Variants in SMC5 observed in about 807,000 individuals in gnomAD.
The protein encoded by SMC5 is structural maintenance of chromosomes protein 5.
Under a neutral mutation model 148.3 loss-of-function variants are expected in SMC5, and 88 were observed. The ratio of observed to expected loss-of-function variants is 0.59; its 90% CI spans 0.50 to 0.71. The LOEUF (loss-of-function observed/expected upper bound fraction) is 0.71, where lower values mean the gene tolerates loss of function less well. Ranked by LOEUF, SMC5 falls within the 30% of genes least tolerant of loss-of-function variation. The pLI is 0.00. For missense variants in SMC5, 1,142 were observed against 1,298.9 expected, an observed-to-expected ratio of 0.88 and a Z score of 1.86; for synonymous variants, 421 against 432.8, an observed-to-expected ratio of 0.97 and a Z score of 0.34.
At chr9:70,261,395 G>A (rs1405738626) in intron 1 of SMC5, among the ~76,000 whole-genome samples, 1 of 152,186 alleles carries the variant, frequency 6.6e-6, no homozygotes, top group Non-Finnish European at 1.5e-5. Flanking sequence ...AGATTTGACA[G>A]GATCCAGCTA....
Position 70,286,198 on chromosome 9 carries a change from A to G in SMC5, c.982-2A>G. On this transcript the variant is annotated splice_acceptor_variant, in intron 7 of 24. Coordinates refer to ENST00000361138, the MANE Select transcript of SMC5 (RefSeq NM_015110.4). LOFTEE classifies it high-confidence loss of function. ...CCCCCTCTCCCCGGTTTAATTTTAC[A>G]GGCAACAGATATTAAGGAGGCATCT... 2 of 1,473,440 alleles carry G rather than the reference A, an allele frequency of 1.4e-6. No individual in the cohort carries two copies. The highest frequency in any genetic ancestry group is 9.2e-7 in the Non-Finnish European group (1 of 1,086,942). The allele number at this position is 1,473,440 out of a possible 1,614,324, so 91.3% of individuals were successfully genotyped here. A position where few individuals can be genotyped will look rare whatever the true frequency, so the allele number is the denominator to read the frequency against.
In SMC5 at chr9:70,315,555, A is replaced by G; in HGVS notation, c.1783A>G (p.Lys595Glu). Residue 595 changes from lysine to glutamate, a missense_variant, in exon 13 of 25, where the codon AAG becomes GAG. Physicochemically the swap from Lys to Glu is moderately conservative, Grantham distance 56. Coordinates refer to ENST00000361138, the MANE Select transcript of SMC5 (RefSeq NM_015110.4). ...HIHEVPVGTE[K>E]TRERIERVIQ... ...TCATGAAGTTCCTGTAGGAACTGAAAAGACCAGAGAAAGAATTGAACGGGT... is the reference window on the plus strand; with the variant it reads ...TCATGAAGTTCCTGTAGGAACTGAAGAGACCAGAGAAAGAATTGAACGGGT... 1.9e-6 allele frequency: 3 copies of G among 1,589,426 alleles called. No individual in the cohort carries two copies. Among genetic ancestry groups the G allele is most frequent in the Non-Finnish European group, 2.6e-6 (3 of 1,166,438 alleles).
chr9:70,304,339 C>CCAAA (rs1352731321), intron 10 of SMC5, among the ~76,000 whole-genome samples: 2 of 152,046 alleles, frequency 1.3e-5, no homozygotes, highest in Admixed American at 6.6e-5. Context: ...TCTTGGCCTC[C>CCAAA]CAAAGTGTTG....
intron 18 of SMC5, among the ~76,000 whole-genome samples, chr9:70,345,887 G>T (rs1018664831): frequency 1.3e-5 from 2 of 152,154 alleles, no homozygotes; most frequent in African/African-American, 4.8e-5. Context: ...AGAGATACAT[G>T]ATGGCATGAA....
chr9:70,271,689 C>A (rs1412165921), intron 3 of SMC5, among the ~76,000 whole-genome samples: 7 of 152,080 alleles, frequency 4.6e-5, no homozygotes, highest in Non-Finnish European at 7.4e-5. Flanking sequence ...TGGAGTTTTA[C>A]AGTTTTAAAT....
At position 70,347,915 on chromosome 9, in the gene SMC5, G is replaced by C. The variant is rs1250684037; in HGVS notation, c.2770-4G>C. The C allele has an allele frequency of 6.4e-7, 1 of 1,571,526 alleles. No individual in the cohort carries two copies. The highest frequency in any genetic ancestry group is 1.4e-5 in the African/African-American group (1 of 72,704). On this transcript the variant is annotated splice_polypyrimidine_tract_variant and splice_region_variant and intron_variant, in intron 21 of 24. Coordinates refer to ENST00000361138, the MANE Select transcript of SMC5 (RefSeq NM_015110.4). Reference sequence around the variant, plus strand: ...TTGTGTTTTTATATTGCCTTTATTTGTAGGTAAAAGAAAGGTGGCTTAATC... The same window carrying C: ...TTGTGTTTTTATATTGCCTTTATTTCTAGGTAAAAGAAAGGTGGCTTAATC...
Position 70,350,409 on chromosome 9 carries a change from G to C in SMC5, c.3103G>C (p.Glu1035Gln). Reference protein sequence around the residue: ...MDPINERRVFEMVVNTACKEN... With the variant: ...MDPINERRVFQMVVNTACKEN... The stretch of plus-strand genomic sequence containing the variant: ...CCCAATCAATGAACGGAGAGTGTTT[G>C]AAATGGTTGTAAATACTGCCTGTAA... Residue 1035 changes from glutamate (E) to glutamine (Q), a missense_variant, in exon 24 of 25, where the codon GAA (glutamate) becomes CAA (glutamine). By Grantham distance (29) the Glu-to-Gln change is conservative (BLOSUM62 2). This residue lies in a region of SMC5 where 30 missense variants were observed against 65.3 expected (regional missense o/e 0.46). Transcript: ENST00000361138. 1 of 1,607,732 alleles carries C rather than the reference G, an allele frequency of 6.2e-7. No homozygotes were observed.
At chr9:70,338,011 G>T (rs1587710414) in intron 17 of SMC5, among the ~76,000 whole-genome samples, 1 of 152,132 alleles carries the variant, frequency 6.6e-6, no homozygotes. Flanking sequence ...CAACACATTT[G>T]CTGTTTTGTT....
intron 18 of SMC5, among the ~76,000 whole-genome samples, chr9:70,346,176 G>A (rs1180123279): frequency 6.6e-6 from 1 of 152,122 alleles, no homozygotes; most frequent in Non-Finnish European, 1.5e-5. Context: ...TGAGGATATC[G>A]AGTAAATAAA....
At chr9:70,346,711 G>GCCATT in intron 19 of SMC5, 62 bp downstream of exon 19, 1 of 1,572,456 alleles carries the variant, frequency 6.4e-7, no homozygotes, top group Admixed American at 1.7e-5. Flanking sequence ...CTCCTCCCTA[G>GCCATT]CCATTTGCTT....
At chr9:70,306,278 T>C (rs1043843947) in intron 11 of SMC5, among the ~76,000 whole-genome samples, 2 of 152,174 alleles carry the variant, frequency 1.3e-5, no homozygotes, top group African/African-American at 2.4e-5. Context: ...TTGGTCTAAG[T>C]GAGGAGAGAT....
chr9:70,331,116 T>A (rs963140492), intron 17 of SMC5, among the ~76,000 whole-genome samples: 3 of 152,204 alleles, frequency 2.0e-5, no homozygotes, highest in Non-Finnish European at 4.4e-5. Flanking sequence ...TAGGTTCACA[T>A]ACCCAAGCTG....
chr9:70,286,827 C>T (rs2034916961), intron 8 of SMC5: 1 of 151,750 alleles, frequency 6.6e-6, no homozygotes, highest in Admixed American at 6.6e-5. Context: ...AATAATCCTC[C>T]CACCTCAGCC....
chr9:70,299,880 AT>A (rs2035312044), intron 9 of SMC5, among the ~76,000 whole-genome samples, 165 bp from the exon 10 acceptor site: 1 of 151,748 alleles, frequency 6.6e-6, no homozygotes, highest in Non-Finnish European at 1.5e-5. Flanking sequence ...GTTTTTGGAC[AT>A]TTTAGAAAGA....
In SMC5 at chr9:70,305,341, T is replaced by A. The variant is rs766863833; in HGVS notation, c.1559T>A (p.Met520Lys). ...TTTGTATTTGAAAGTCAAGAAGATA[T>A]GGAGGTTTTCCTCAAAGAGGCAAGT... ...RAFVFESQEDMEVFLKEVRDN... is the reference protein window; with the variant it reads ...RAFVFESQEDKEVFLKEVRDN... The change falls in exon 11 of 25, where the codon ATG becomes AAG. Residue 520 changes from methionine to lysine, a missense_variant. Met to Lys is a moderately conservative substitution (Grantham distance 95). Around this residue, in one of 5 missense-constraint regions of SMC5, gnomAD observed 743 missense variants for 835.7 expected, o/e 0.89. Transcript: ENST00000361138. 2 of 1,597,216 alleles carry A rather than the reference T, an allele frequency of 1.3e-6. No homozygotes were observed. The highest frequency in any genetic ancestry group is 2.2e-5 in the South Asian group (2 of 89,786).
chr9:70,351,354 A>C (rs2036798804), intron 24 of SMC5, among the ~76,000 whole-genome samples: 1 of 136,404 alleles, frequency 7.3e-6, no homozygotes, highest in Admixed American at 7.4e-5. Context: ...ACCTTGTTCC[A>C]AAAAAAAAAA....
At chr9:70,279,838 A>G (rs77463892) in intron 5 of SMC5, among the ~76,000 whole-genome samples, 9 of 150,538 alleles carry the variant, frequency 6.0e-5, no homozygotes, top group Admixed American at 2.0e-4. Context: ...AAAAAAAAAA[A>G]GGAAATCTGT....
At chr9:70,298,688 A>T (rs1195512570) in intron 9 of SMC5, among the ~76,000 whole-genome samples, 4 of 151,810 alleles carry the variant, frequency 2.6e-5, no homozygotes, top group East Asian at 3.9e-4. Flanking sequence ...AGATCAGTTT[A>T]AAAAAATTTT....
At chr9:70,316,316 T>G (rs2035799507) in intron 13 of SMC5, among the ~76,000 whole-genome samples, 1 of 152,030 alleles carries the variant, frequency 6.6e-6, no homozygotes, top group African/African-American at 2.4e-5. Flanking sequence ...TAATATTTAT[T>G]AAAAAATATG....
Sources: gnomAD v4.1 joint callset for allele counts (sites outside exome capture counted in the v4.1 genomes callset) on GRCh38, gnomAD v4.1.1 for gene constraint, gnomAD v4.1.1 regional missense constraint, MANE v1.5 for transcripts, NCBI Gene and HGNC (gene_info 2026-07-23, HGNC 2026-07-21) for gene names.